CTNNA3: variants seen among roughly 807,000 people sequenced by gnomAD.
CTNNA3 encodes catenin alpha 3, also known as catenin alpha-3.
CTNNA3 carries 76 observed loss-of-function variants against 95.7 expected under a neutral mutation model. The observed-to-expected ratio is 0.79, with a 90% CI of 0.66 to 0.96. The LOEUF (loss-of-function observed/expected upper bound fraction) is 0.96. CTNNA3 is among the 40% of genes least tolerant of loss of function. The pLI, the probability that CTNNA3 is intolerant of heterozygous loss-of-function variation, is 0.00. For synonymous variants in CTNNA3, 431 were observed against 374.4 expected (o/e 1.15, Z -1.74); for missense variants, 1,191 against 1,089.8 (o/e 1.09, Z -1.31).
chr10:66,246,458 C>T (rs2090330393), intron 13 of CTNNA3, among the ~76,000 whole-genome samples: 1 of 152,078 alleles, frequency 6.6e-6, no homozygotes, highest in Non-Finnish European at 1.5e-5. Flanking sequence ...TCCCCAGCTC[C>T]CAGCTGCTCC....
chr10:67,728,327 C>A (rs1841255726), intron 1 of CTNNA3, among the ~76,000 whole-genome samples: 1 of 148,938 alleles, frequency 6.7e-6, no homozygotes, highest in Non-Finnish European at 1.5e-5. Flanking sequence ...ATGGTGGGTA[C>A]CTGTAATCAC....
chr10:66,441,973 A>G (rs2093378265), intron 11 of CTNNA3, among the ~76,000 whole-genome samples: 1 of 152,224 alleles, frequency 6.6e-6, no homozygotes, highest in South Asian at 2.1e-4. Flanking sequence ...CATCCTTTCC[A>G]TAATTATTCA....
intron 12 of CTNNA3, among the ~76,000 whole-genome samples, chr10:66,353,400 T>C (rs2092582039): frequency 2.6e-5 from 4 of 152,156 alleles, no homozygotes; most frequent in Non-Finnish European, 5.9e-5. Flanking sequence ...ACATCTTTCT[T>C]AGCCTGTTGG....
chr10:66,811,670 A>C (rs1361118376), intron 7 of CTNNA3, among the ~76,000 whole-genome samples: 2 of 152,160 alleles, frequency 1.3e-5, no homozygotes, highest in East Asian at 3.9e-4. Flanking sequence ...ACTCATTTAC[A>C]AACGCTCTCA....
At chr10:67,353,261 C>T (rs758233777) in intron 5 of CTNNA3, among the ~76,000 whole-genome samples, 7 of 151,902 alleles carry the variant, frequency 4.6e-5, no homozygotes, top group Non-Finnish European at 8.8e-5. Flanking sequence ...TTCGGGGGCA[C>T]CACTCTGAGA....
At chr10:66,272,811 A>AC (rs2091310622) in intron 13 of CTNNA3, among the ~76,000 whole-genome samples, 1 of 151,966 alleles carries the variant, frequency 6.6e-6, no homozygotes, top group South Asian at 2.1e-4. Flanking sequence ...ACTGCCCCCA[A>AC]CCCCCTTATC....
chr10:66,225,737 A>G (rs974082411), intron 13 of CTNNA3, among the ~76,000 whole-genome samples: 42 of 151,686 alleles, frequency 2.8e-4, no homozygotes, highest in African/African-American at 9.7e-4. Flanking sequence ...CCTCACCAAC[A>G]TTTCTGATTT....
chr10:66,562,033 A>T (rs1033324349), intron 10 of CTNNA3, among the ~76,000 whole-genome samples: 4 of 152,058 alleles, frequency 2.6e-5, no homozygotes, highest in Non-Finnish European at 5.9e-5. Flanking sequence ...GTATGATTAG[A>T]AGTTCAATGA....
intron 7 of CTNNA3, among the ~76,000 whole-genome samples, chr10:66,982,604 T>C (rs944209759): frequency 6.6e-5 from 10 of 152,190 alleles, no homozygotes; most frequent in African/African-American, 1.9e-4. Context: ...GTACTGAAAT[T>C]AGACAAAGAC....
intron 1 of CTNNA3, among the ~76,000 whole-genome samples, chr10:67,752,176 A>G (rs773107366): frequency 7.2e-5 from 11 of 152,194 alleles, no homozygotes; most frequent in Non-Finnish European, 1.5e-4. Context: ...AACATACACA[A>G]ATCAATAAAT....
chr10:67,100,528 T>C (rs927653869), intron 7 of CTNNA3, among the ~76,000 whole-genome samples: 1 of 151,762 alleles, frequency 6.6e-6, no homozygotes, highest in African/African-American at 2.4e-5. Context: ...TTCTAACCTA[T>C]CTTTTCCAGC....
At chr10:66,430,286 C>T (rs1187846540) in intron 11 of CTNNA3, among the ~76,000 whole-genome samples, 1 of 152,138 alleles carries the variant, frequency 6.6e-6, no homozygotes, top group Non-Finnish European at 1.5e-5. Flanking sequence ...ATTCCATGCT[C>T]ATGGACAGGA....
chr10:66,207,756 T>C (rs918047571), intron 13 of CTNNA3, among the ~76,000 whole-genome samples: 2 of 152,114 alleles, frequency 1.3e-5, no homozygotes, highest in African/African-American at 4.8e-5. Flanking sequence ...AATTTGAGTT[T>C]CAGAAGGACT....
intron 6 of CTNNA3, among the ~76,000 whole-genome samples, chr10:67,199,344 G>T (rs575419625): frequency 6.6e-6 from 1 of 151,672 alleles, no homozygotes; most frequent in African/African-American, 2.4e-5. Flanking sequence ...ATGGCTACAA[G>T]TTTTTTTTGT....
At chr10:67,690,936 T>G (rs1349229364) in intron 1 of CTNNA3, among the ~76,000 whole-genome samples, 1 of 152,176 alleles carries the variant, frequency 6.6e-6, no homozygotes, top group African/African-American at 2.4e-5. Context: ...CTCCCTCTGA[T>G]GCCGAGCCGA....
chr10:67,729,102 TAAG>T (rs1564842127), intron 1 of CTNNA3, among the ~76,000 whole-genome samples: 1 of 152,300 alleles, frequency 6.6e-6, no homozygotes, highest in East Asian at 1.9e-4. Context: ...TATTAAATGT[TAAG>T]AAGAGTTTTG....
At chr10:66,902,634 G>A (rs1166142264) in intron 7 of CTNNA3, among the ~76,000 whole-genome samples, 1 of 151,994 alleles carries the variant, frequency 6.6e-6, no homozygotes, top group East Asian at 1.9e-4. Context: ...TAGACCACTA[G>A]CAAGACAAAT....
intron 1 of CTNNA3, among the ~76,000 whole-genome samples, chr10:67,690,611 C>T (rs1589568723): frequency 6.6e-6 from 1 of 152,106 alleles, no homozygotes; most frequent in East Asian, 1.9e-4. Context: ...CGTTTACAAA[C>T]CTTTAGCTAG....
At chr10:67,346,605 C>G in intron 5 of CTNNA3, 1 of 358,850 alleles carries the variant, frequency 2.8e-6, no homozygotes, top group South Asian at 2.1e-5. Context: ...AAAGGGCACA[C>G]TGTATATGGA....
Sources: gnomAD v4.1 joint callset for allele counts (sites outside exome capture counted in the v4.1 genomes callset) on GRCh38, gnomAD v4.1.1 for gene constraint, MANE v1.5 for transcripts, NCBI Gene and HGNC (gene_info 2026-07-23, HGNC 2026-07-21) for gene names.